OSER1: variants seen among roughly 807,000 people sequenced by gnomAD.
OSER1 encodes the protein oxidative stress responsive serine rich 1.
A neutral mutation model predicts 26.3 loss-of-function variants in OSER1; 15 were observed. The ratio of observed to expected loss-of-function variants is 0.57; its 90% CI spans 0.38 to 0.88. OSER1 has a LOEUF of 0.88. Among genes scored for constraint, OSER1 ranks in the 40% least tolerant of loss-of-function variants. The probability of loss-of-function intolerance (pLI) is 0.00; values close to 1 mark genes in which losing one functional copy is unlikely to be tolerated. For synonymous variants in OSER1, 127 were observed against 128.2 expected (o/e 0.99, Z 0.07); for missense variants, 313 against 353.9 (o/e 0.88, Z 0.93).
intron 1 of OSER1, among the ~76,000 whole-genome samples, chr20:44,208,805 G>T (rs968962890): frequency 6.6e-6 from 1 of 152,052 alleles, no homozygotes; most frequent in African/African-American, 2.4e-5. Flanking sequence ...AGCTCTTACC[G>T]AGTTCATAAA....
Position 44,208,271 on chromosome 20 carries a change from T to C in OSER1, c.-41-1273A>G, listed in dbSNP as rs369597722. ...AAGGTCAAGGTGTCATAATGTTTGA[T>C]ATAAAGTAACCATTATATTATTGTA... On this transcript the variant is annotated intron_variant, in intron 1 of 3. Coordinates refer to ENST00000255174, the MANE Select transcript of OSER1 (RefSeq NM_016470.8). Among the ~76,000 whole-genome samples, 104 of 152,206 alleles carry C rather than the reference T, an allele frequency of 6.8e-4. 2 individuals are homozygous for C. Among genetic ancestry groups the C allele is most frequent in the African/African-American group, 2.1e-3 (88 of 41,502 alleles).
intron 3 of OSER1, among the ~76,000 whole-genome samples, chr20:44,201,443 C>T (rs1208795251): frequency 6.6e-6 from 1 of 152,068 alleles, no homozygotes; most frequent in Non-Finnish European, 1.5e-5. Flanking sequence ...TTATACAATG[C>T]AGAGGTCCTA....
At chr20:44,204,842 CT>C (rs766734714) in intron 2 of OSER1, among the ~76,000 whole-genome samples, 361 of 145,462 alleles carry the variant, frequency 2.5e-3, no homozygotes, top group Middle Eastern at 0.021. Context: ...CTTAATTTTA[CT>C]TTTTTTTTTT....
At position 44,196,755 on chromosome 20, in the gene OSER1, T is replaced by G. The variant is rs767504272; in HGVS notation, c.*297A>C. ...AAAAATGCACTGTTTTACAAAGGCT[T>G]TTACCATATACCCACTGCTGCCAGT... On this transcript the variant is annotated 3_prime_UTR_variant, in exon 4 of 4. Transcript: ENST00000255174. 2.7e-5 allele frequency: 8 copies of G among 294,366 alleles called. No homozygotes were observed. The highest frequency in any genetic ancestry group is 5.1e-5 in the Non-Finnish European group (8 of 156,870). The allele number at this position is 294,366 out of a possible 1,614,324, so 18.2% of individuals were successfully genotyped here.
intron 1 of OSER1, 170 bp from the exon 2 acceptor site, chr20:44,207,168 A>ACCAAAAAT (rs1231272863): frequency 2.1e-6 from 1 of 473,672 alleles, no homozygotes; most frequent in Non-Finnish European, 3.8e-6. Context: ...ATGAAATGAT[A>ACCAAAAAT]CCAAAAATGG....
At chr20:44,204,307 A>G (rs1600495561) in intron 2 of OSER1, among the ~76,000 whole-genome samples, 1 of 152,224 alleles carries the variant, frequency 6.6e-6, no homozygotes, top group African/African-American at 2.4e-5. Flanking sequence ...ATCCTCAGAT[A>G]TCCCATTTGT....
In OSER1 at chr20:44,196,093, A is replaced by G. The variant is rs2072914839; in HGVS notation, c.*959T>C. On this transcript the variant is annotated 3_prime_UTR_variant, in exon 4 of 4. Transcript: ENST00000255174. The stretch of plus-strand genomic sequence containing the variant: ...TCTTTTTGGAGCCACCTGAAAAACA[A>G]GGATTCATCATCCAGCTGAAACCGA... Among the ~76,000 whole-genome samples, 1 of 152,202 alleles carries G rather than the reference A, an allele frequency of 6.6e-6. No homozygotes were observed. The highest frequency in any genetic ancestry group is 1.5e-5 in the Non-Finnish European group (1 of 68,022).
At chr20:44,197,950 C>G (rs921922859) in intron 3 of OSER1, among the ~76,000 whole-genome samples, 4 of 152,112 alleles carry the variant, frequency 2.6e-5, no homozygotes, top group South Asian at 2.1e-4. Flanking sequence ...AGCTATAGAA[C>G]GAGGTGAGAT....
rs1293288735 is a variant in OSER1 at position 44,205,815 on chromosome 20, C to T, written c.77+1066G>A. Among the ~76,000 whole-genome samples the T allele has an allele frequency of 4.6e-5, 7 of 152,050 alleles. No individual in the cohort carries two copies. In the East Asian group the frequency reaches 7.7e-4, roughly 17 times the overall value. Reference sequence around the variant, plus strand: ...ATCAGCCAGGTGTGGTTGTGGCCGCCTGTAGTCCCAGCTACTCGGGAGGCT... The same window carrying T: ...ATCAGCCAGGTGTGGTTGTGGCCGCTTGTAGTCCCAGCTACTCGGGAGGCT... On this transcript the variant is annotated intron_variant, in intron 2 of 3. Transcript: ENST00000255174.
At chr20:44,203,356 C>A (rs2073003075) in intron 2 of OSER1, among the ~76,000 whole-genome samples, 1 of 152,096 alleles carries the variant, frequency 6.6e-6, no homozygotes, top group South Asian at 2.1e-4. Context: ...GCAGATCAGG[C>A]CTTATGGCCA....
In OSER1 at chr20:44,197,371, G is replaced by T; in HGVS notation, c.560C>A (p.Ser187Ter). 1 of 1,614,230 alleles carries T rather than the reference G, an allele frequency of 6.2e-7. No individual in the cohort carries two copies. Among genetic ancestry groups the T allele is most frequent in the Non-Finnish European group, 8.5e-7 (1 of 1,180,028 alleles). The change falls in exon 4 of 4, where the codon TCA becomes TAA. Residue 187 changes from serine (S) to a stop codon, truncating the protein, a stop_gained. Coordinates refer to ENST00000255174, the MANE Select transcript of OSER1 (RefSeq NM_016470.8). LOFTEE classifies it high-confidence loss of function. ...CTTGCCCTGGTTTAGCTTGGAAACTGATTGAAAGTCAGAGAGATCACTGGC... is the reference window on the plus strand; with the variant it reads ...CTTGCCCTGGTTTAGCTTGGAAACTTATTGAAAGTCAGAGAGATCACTGGC... ...LKASDLSDFQ[S>*]VSKLNQGKPC...
At chr20:44,205,986 C>T (rs2145936050) in intron 2 of OSER1, among the ~76,000 whole-genome samples, 1 of 149,674 alleles carries the variant, frequency 6.7e-6, no homozygotes, top group African/African-American at 2.5e-5. Flanking sequence ...TGGAGACAGG[C>T]TATCTAGGTT....
At chr20:44,203,899 T>C (rs1448890790) in intron 2 of OSER1, among the ~76,000 whole-genome samples, 1 of 152,176 alleles carries the variant, frequency 6.6e-6, no homozygotes, top group Non-Finnish European at 1.5e-5. Flanking sequence ...TTATGGCATA[T>C]CTATATGGCA....
At chr20:44,208,165 C>A (rs1358939846) in intron 1 of OSER1, among the ~76,000 whole-genome samples, 1 of 141,674 alleles carries the variant, frequency 7.1e-6, no homozygotes, top group Admixed American at 7.3e-5. Context: ...GCCTCTCCAA[C>A]GGCCCTTGGG....
rs74891188 is a variant in OSER1 at position 44,199,457 on chromosome 20, C to A, written c.192-1718G>T. ...CATGCTCTTACACTTCCCAGCCTCC[C>A]GAAATGTAAGAAATAAGTCTCTTTA... On this transcript the variant is annotated intron_variant, in intron 3 of 3. Transcript: ENST00000255174. Among the ~76,000 whole-genome samples the A allele has an allele frequency of 8.4e-3, 1,282 of 152,080 alleles. 23 individuals carry two copies. Among genetic ancestry groups the A allele is most frequent in the African/African-American group, 0.027 (1,129 of 41,466 alleles).
chr20:44,199,409 A>ATCATT (rs2072957966), intron 3 of OSER1, among the ~76,000 whole-genome samples: 1 of 152,152 alleles, frequency 6.6e-6, no homozygotes, highest in Admixed American at 6.5e-5. Flanking sequence ...TGCAGCAATG[A>ATCATT]TACACTCACT....
At chr20:44,204,879 G>A (rs889361217) in intron 2 of OSER1, among the ~76,000 whole-genome samples, 1 of 151,186 alleles carries the variant, frequency 6.6e-6, no homozygotes, top group South Asian at 2.1e-4. Context: ...GCTCTGTTGC[G>A]CAGGCCGGAG....
At chr20:44,205,226 T>G (rs1002069310) in intron 2 of OSER1, among the ~76,000 whole-genome samples, 1 of 152,200 alleles carries the variant, frequency 6.6e-6, no homozygotes, top group Non-Finnish European at 1.5e-5. Context: ...CTAAGAGATT[T>G]GTATGTATAA....
At chr20:44,198,218 T>C (rs1247288989) in intron 3 of OSER1, among the ~76,000 whole-genome samples, 2 of 152,234 alleles carry the variant, frequency 1.3e-5, no homozygotes, top group East Asian at 3.8e-4. Context: ...ATTTCTATCA[T>C]TGGTAACAGC....
Sources: allele counts gnomAD v4.1 joint callset (sites outside exome capture counted in the v4.1 genomes callset), GRCh38; gene constraint gnomAD v4.1.1; transcripts MANE v1.5; gene names NCBI Gene and HGNC (gene_info 2026-07-23, HGNC 2026-07-21).